The following FARP1 variants were observed in gnomAD, a reference collection of about 807,000 sequenced individuals.
FARP1 encodes FERM, ARHGEF and pleckstrin domain-containing protein 1.
Under a neutral mutation model 128.8 loss-of-function variants are expected in FARP1, and 52 were observed. The ratio of observed to expected loss-of-function variants is 0.40; its 90% CI spans 0.32 to 0.51. FARP1 has a LOEUF of 0.51. Among genes scored for constraint, FARP1 ranks in the 20% least tolerant of loss-of-function variants. The pLI, the probability that FARP1 is intolerant of heterozygous loss-of-function variation, is 0.45. For missense variants in FARP1, 1,333 were observed against 1,367.9 expected (o/e 0.97, Z 0.40); for synonymous variants, 580 against 551.8 (o/e 1.05, Z -0.72).
Position 98,367,896 on chromosome 13 carries a change from TG to T in FARP1, c.320-220del, listed in dbSNP as rs1233822428. On this transcript the variant is annotated intron_variant, in intron 4 of 26. Coordinates refer to ENST00000319562, the MANE Select transcript of FARP1 (RefSeq NM_005766.4). ...ATTTAATAGCTCTATGTAGTACTTT[TG>T]TCACAGTATTTTTTAAAAATGGATC... 2.6e-5 allele frequency among the ~76,000 whole-genome samples: 4 copies of T among 152,210 alleles called. No homozygotes were observed. In the East Asian group the frequency reaches 7.7e-4, roughly 29 times the overall value.
At chr13:98,330,024 C>G (rs1249128088) in intron 2 of FARP1, 1 of 152,298 alleles carries the variant, frequency 6.6e-6, no homozygotes. Flanking sequence ...ATAGGGTAGT[C>G]AGGGTCGGCA....
At chr13:98,189,264 T>C (rs1243664601) in intron 1 of FARP1, among the ~76,000 whole-genome samples, 1 of 147,398 alleles carries the variant, frequency 6.8e-6, no homozygotes, top group Non-Finnish European at 1.5e-5. Flanking sequence ...AATGAGTACT[T>C]TTTTTTTTTT....
intron 3 of FARP1, among the ~76,000 whole-genome samples, chr13:98,356,666 C>T (rs956748064): frequency 6.4e-5 from 6 of 93,412 alleles, no homozygotes; most frequent in South Asian, 3.8e-4. Flanking sequence ...TTTGAGACAG[C>T]CTCGCTCTGT....
At chr13:98,330,604 A>C (rs1254123959) in intron 2 of FARP1, among the ~76,000 whole-genome samples, 1 of 151,976 alleles carries the variant, frequency 6.6e-6, no homozygotes. Context: ...AGAATACAAA[A>C]ATTAGCTGGG....
chr13:98,442,708 G>A (rs1252999864), intron 24 of FARP1, among the ~76,000 whole-genome samples: 3 of 152,232 alleles, frequency 2.0e-5, no homozygotes, highest in Non-Finnish European at 4.4e-5. Context: ...GACCCCCGAA[G>A]CGGAGGAGCA....
intron 1 of FARP1, among the ~76,000 whole-genome samples, chr13:98,191,729 G>A (rs1879242212): frequency 6.6e-6 from 1 of 152,140 alleles, no homozygotes; most frequent in Non-Finnish European, 1.5e-5. Flanking sequence ...GATCACCTGA[G>A]GTTAGGAGTT....
At position 98,409,517 on chromosome 13, in the gene FARP1, C is replaced by T. The variant is rs754777712; in HGVS notation, c.1594C>T (p.Arg532Trp). The change falls in exon 14 of 27, where the codon CGG becomes TGG. Residue 532 changes from arginine (R) to tryptophan (W), a missense_variant. Arg to Trp is a moderately radical substitution (Grantham distance 101, BLOSUM62 -3). Around this residue, in one of 2 missense-constraint regions of FARP1, gnomAD observed 1,009 missense variants for 969.8 expected, o/e 1.04. Coordinates refer to ENST00000319562, the MANE Select transcript of FARP1 (RefSeq NM_005766.4). Reference protein sequence around the residue: ...CPRTDDEDEGRRKRFPTDKAY... With the variant: ...CPRTDDEDEGWRKRFPTDKAY... ...CCGGACGGACGATGAGGATGAGGGC[C>T]GGAGGAAGGTACAGGGCCGAGGGCT... 3.1e-5 allele frequency: 50 copies of T among 1,609,784 alleles called. No individual in the cohort carries two copies. Among genetic ancestry groups the T allele is most frequent in the South Asian group, 2.2e-4 (20 of 90,614 alleles).
At chr13:98,193,383 C>T (rs1362918633) in intron 1 of FARP1, among the ~76,000 whole-genome samples, 2 of 152,150 alleles carry the variant, frequency 1.3e-5, no homozygotes. Flanking sequence ...TGTTTATTTC[C>T]CCTCATAGAA....
intron 2 of FARP1, among the ~76,000 whole-genome samples, chr13:98,265,923 T>C (rs1222097809): frequency 6.6e-6 from 1 of 152,140 alleles, no homozygotes; most frequent in Non-Finnish European, 1.5e-5. Flanking sequence ...GACTAGTTGA[T>C]TCTCTGTGAC....
At chr13:98,403,036 A>AGAG (rs1017688629) in intron 13 of FARP1, 1 of 151,266 alleles carries the variant, frequency 6.6e-6, no homozygotes, top group Admixed American at 6.6e-5. Context: ...CTTTACCCTC[A>AGAG]AAGCATGGTG....
rs1388358016 is a variant in FARP1 at position 98,176,211 on chromosome 13, A to T, written c.-24+32719A>T. ...CAAAAAAATTTATTTAAATGTGAGA[A>T]TTATGGGAAACCTAAGCCATGGGAA... On this transcript the variant is annotated intron_variant, in intron 1 of 26. Coordinates refer to ENST00000319562, the MANE Select transcript of FARP1 (RefSeq NM_005766.4). The surrounding 1 kb of genome is among the most constrained non-coding windows in gnomAD (Gnocchi z 6.2). The T allele has an allele frequency of 6.2e-7, 1 of 1,609,504 alleles. No individual in the cohort carries two copies. Among genetic ancestry groups the T allele is most frequent in the Admixed American group, 1.7e-5 (1 of 59,938 alleles).
At chr13:98,355,043 C>A (rs772930604) in intron 3 of FARP1, among the ~76,000 whole-genome samples, 1 of 151,926 alleles carries the variant, frequency 6.6e-6, no homozygotes, top group Non-Finnish European at 1.5e-5. Context: ...AATATGAAAC[C>A]ATTTTTAAAA....
chr13:98,353,851 T>A (rs551812287), intron 3 of FARP1, among the ~76,000 whole-genome samples: 1 of 151,016 alleles, frequency 6.6e-6, no homozygotes, highest in Non-Finnish European at 1.5e-5. Flanking sequence ...GTAGATCTCA[T>A]GTTAACTCTT....
chr13:98,324,383 T>A (rs1426916983), intron 2 of FARP1, among the ~76,000 whole-genome samples: 1 of 152,208 alleles, frequency 6.6e-6, no homozygotes, highest in Non-Finnish European at 1.5e-5. Context: ...GTGTAAGATC[T>A]ATTTTGTATT....
At chr13:98,422,609 G>C (rs997211549) in intron 16 of FARP1, among the ~76,000 whole-genome samples, 2 of 152,164 alleles carry the variant, frequency 1.3e-5, no homozygotes, top group Admixed American at 6.5e-5. Flanking sequence ...TGCTTAGTTG[G>C]AACCAATAGA....
intron 19 of FARP1, among the ~76,000 whole-genome samples, chr13:98,438,282 T>C (rs937851008): frequency 3.3e-5 from 5 of 151,980 alleles, no homozygotes; most frequent in African/African-American, 1.2e-4. Flanking sequence ...ATGGAGAAGC[T>C]TCCTCCAGCC....
At chr13:98,350,590 A>G (rs1888375932) in intron 3 of FARP1, among the ~76,000 whole-genome samples, 1 of 152,124 alleles carries the variant, frequency 6.6e-6, no homozygotes, top group African/African-American at 2.4e-5. Flanking sequence ...ATCTACCACA[A>G]CAGTATTACA....
chr13:98,324,527 A>C (rs987725602), intron 2 of FARP1, among the ~76,000 whole-genome samples: 1 of 152,152 alleles, frequency 6.6e-6, no homozygotes, highest in East Asian at 1.9e-4. Flanking sequence ...TTCTGGAAAG[A>C]GTTTACTTTT....
intron 2 of FARP1, among the ~76,000 whole-genome samples, chr13:98,222,606 G>A (rs1365564699): frequency 6.6e-6 from 1 of 151,760 alleles, no homozygotes; most frequent in Admixed American, 6.6e-5. Flanking sequence ...CCTGTGACAG[G>A]TGCCAGTGGA....
Sources: gnomAD v4.1 joint callset for allele counts (sites outside exome capture counted in the v4.1 genomes callset) on GRCh38, gnomAD v4.1.1 for gene constraint, gnomAD v4.1.1 regional missense constraint, Gnocchi (gnomAD v3.1) non-coding constraint, MANE v1.5 for transcripts, NCBI Gene and HGNC (gene_info 2026-07-23, HGNC 2026-07-21) for gene names.